SLC6A3: variants seen among roughly 807,000 people sequenced by gnomAD.
The protein encoded by SLC6A3 is sodium-dependent dopamine transporter.
A neutral mutation model predicts 70.4 loss-of-function variants in SLC6A3; 19 were observed. The ratio of observed to expected loss-of-function variants is 0.27; its 90% CI spans 0.19 to 0.40. The LOEUF (loss-of-function observed/expected upper bound fraction) is 0.40. SLC6A3 is among the 10% of genes least tolerant of loss of function. SLC6A3 has a pLI of 1.00. For synonymous variants in SLC6A3, 368 were observed against 356.6 expected (o/e 1.03, Z -0.36); for missense variants, 613 against 838.5 (o/e 0.73, Z 3.32).
intron 3 of SLC6A3, among the ~76,000 whole-genome samples, chr5:1,440,926 A>G (rs560748601): frequency 6.6e-6 from 1 of 152,308 alleles, no homozygotes; most frequent in African/African-American, 2.4e-5. Flanking sequence ...AGATACAGAT[A>G]GATGATGATG....
chr5:1,407,348 C>A (rs1011941584), intron 11 of SLC6A3, among the ~76,000 whole-genome samples: 8 of 151,876 alleles, frequency 5.3e-5, no homozygotes, highest in African/African-American at 9.7e-5. Context: ...ACGTGGGAGG[C>A]AGCGGGGATG....
intron 3 of SLC6A3, among the ~76,000 whole-genome samples, chr5:1,435,330 C>T (rs982349890): frequency 6.6e-6 from 1 of 152,140 alleles, no homozygotes; most frequent in African/African-American, 2.4e-5. Context: ...ACAATGGATG[C>T]CCAATTTGAA....
Position 1,441,439 on chromosome 5 carries a change from A to G in SLC6A3, c.338T>C (p.Leu113Pro), listed in dbSNP as rs762156262. The G allele has an allele frequency of 6.2e-7, 1 of 1,614,210 alleles. No homozygotes were observed. The change falls in exon 3 of 15, where the codon CTT becomes CCT. Residue 113 changes from leucine (L) to proline (P), a missense_variant. By Grantham distance (98) the Leu-to-Pro change is moderately conservative. This residue lies in a region of SLC6A3 where 153 missense variants were observed against 249.4 expected (regional missense o/e 0.61). Coordinates refer to ENST00000270349, the MANE Select transcript of SLC6A3 (RefSeq NM_001044.5). ...LLFMVIAGMP[L>P]FYMELALGQF... ...GCCGAGGGCCAGCTCCATGTAGAAA[A>G]GTGGCATCCCAGCAATGACCATGAA...
rs992624553 is a variant in SLC6A3 at position 1,401,261 on chromosome 5, C to T, written c.1768-275G>A. On this transcript the variant is annotated intron_variant, in intron 13 of 14. Coordinates refer to ENST00000270349, the MANE Select transcript of SLC6A3 (RefSeq NM_001044.5). The surrounding 1 kb of genome is among the most constrained non-coding windows in gnomAD (Gnocchi z 6.1). ...GCAGAGCAGAACATCAGCATTTGAG[C>T]ACTCGCTTGAAAATAAAACGTGGTC... The T allele has an allele frequency of 4.5e-6, 3 of 660,484 alleles. No homozygotes were observed. The African/African-American group carries it at 5.3e-5, about 12-fold the overall frequency. 40.9% of individuals were successfully genotyped at this position (660,484 alleles called of 1,614,324 possible).
chr5:1,405,921 C>T lies in SLC6A3; in HGVS notation c.1599+267G>A, dbSNP rs6876225. On this transcript the variant is annotated intron_variant, in intron 12 of 14. Transcript: ENST00000270349. This position sits in a 1 kb window ranked among gnomAD's most constrained non-coding sequence, Gnocchi z 5.3. ...AGCTTCCCCTCCCAACACAGAGGCG[C>T]GGCCCAAGTGCAGGACTCACAACGG... is the stretch of plus-strand genomic sequence containing the variant. Among the ~76,000 whole-genome samples the T allele has an allele frequency of 6.6e-6, 1 of 152,174 alleles. No individual in the cohort carries two copies. The highest frequency in any genetic ancestry group is 1.5e-5 in the Non-Finnish European group (1 of 68,034).
chr5:1,427,222 T>C (rs2126383435), intron 4 of SLC6A3, among the ~76,000 whole-genome samples: 1 of 152,340 alleles, frequency 6.6e-6, no homozygotes, highest in South Asian at 2.1e-4. Flanking sequence ...ATGGAGTTGA[T>C]ACATATTGTA....
In SLC6A3 at chr5:1,401,079, A is replaced by G. The variant is rs1755839936; in HGVS notation, c.1768-93T>C. The G allele has an allele frequency of 3.2e-6, 3 of 944,700 alleles. No homozygotes were observed. The African/African-American group carries it at 4.9e-5, about 15-fold the overall frequency. 58.5% of individuals were successfully genotyped at this position (944,700 alleles called of 1,614,324 possible). ...CACACTGCCAGGACCCTCACCTACC[A>G]GCACCCTCACCACCAGCCCTCCTCA... On this transcript the variant is annotated intron_variant, in intron 13 of 14. Transcript: ENST00000270349. This position sits in a 1 kb window ranked among gnomAD's most constrained non-coding sequence, Gnocchi z 6.1.
chr5:1,422,858 A>ACG (rs1318590669), intron 4 of SLC6A3, among the ~76,000 whole-genome samples: 1 of 74,156 alleles, frequency 1.3e-5, no homozygotes, highest in Non-Finnish European at 2.4e-5. Context: ...ACTGCTGCCC[A>ACG]GTGCTGCCCA....
In SLC6A3 at chr5:1,396,558, G is replaced by A. The variant is rs1579696588; in HGVS notation, c.1840-1800C>T. ...GTGGCTGCAGTTTGCAGGCCAGAGCGCCAGAGAGGAGGTGGCCACACAGAG... is the reference window on the plus strand; with the variant it reads ...GTGGCTGCAGTTTGCAGGCCAGAGCACCAGAGAGGAGGTGGCCACACAGAG... On this transcript the variant is annotated intron_variant, in intron 14 of 14. Transcript: ENST00000270349. The surrounding 1 kb of genome is among the most constrained non-coding windows in gnomAD (Gnocchi z 7.0). Among the ~76,000 whole-genome samples the A allele has an allele frequency of 6.6e-6, 1 of 152,230 alleles. No homozygotes were observed. The highest frequency in any genetic ancestry group is 1.5e-5 in the Non-Finnish European group (1 of 68,042).
rs925482570 is a variant in SLC6A3, at chr5:1,408,120, G to T, written c.1498+906C>A. ...GGTTCAAGCTGAATCATATTCCATC[G>T]TAAGTATACCATCAGTGTCTTCAGA... On this transcript the variant is annotated intron_variant, in intron 11 of 14. Transcript: ENST00000270349. This position sits in a 1 kb window ranked among gnomAD's most constrained non-coding sequence, Gnocchi z 6.4. Among the ~76,000 whole-genome samples, 1 of 151,580 alleles carries T rather than the reference G, an allele frequency of 6.6e-6. No homozygotes were observed. Among genetic ancestry groups the T allele is most frequent in the South Asian group, 2.1e-4 (1 of 4,806 alleles).
rs1297029420 is a variant in SLC6A3 at position 1,421,031 on chromosome 5, G to T, written c.793-328C>A. 1.3e-5 allele frequency among the ~76,000 whole-genome samples: 2 copies of T among 152,202 alleles called. No individual in the cohort carries two copies. Among genetic ancestry groups the T allele is most frequent in the African/African-American group, 4.8e-5 (2 of 41,454 alleles). ...CGTGGGACGTGAGTGGATTCACACT[G>T]GTGAACGGCACTGTGGCACGATGAA... is the stretch of plus-strand genomic sequence containing the variant. On this transcript the variant is annotated intron_variant, in intron 5 of 14. Coordinates refer to ENST00000270349, the MANE Select transcript of SLC6A3 (RefSeq NM_001044.5). The surrounding 1 kb of genome is among the most constrained non-coding windows in gnomAD (Gnocchi z 7.2).
At chr5:1,416,559 G>C (rs956790775) in intron 6 of SLC6A3, 5 of 319,520 alleles carry the variant, frequency 1.6e-5, no homozygotes, top group Non-Finnish European at 3.0e-5. Context: ...AATAACCCTC[G>C]GAACAGCACG....
At position 1,397,822 on chromosome 5, in the gene SLC6A3, C is replaced by A. The variant is rs997747998; in HGVS notation, c.1840-3064G>T. ...TCTATAACAAAAGTATGGGAACCAA[C>A]AAACACCAAGCATGCACATTAGTCC... On this transcript the variant is annotated intron_variant, in intron 14 of 14. Transcript: ENST00000270349. The surrounding 1 kb of genome is among the most constrained non-coding windows in gnomAD (Gnocchi z 4.7). Among the ~76,000 whole-genome samples the A allele has an allele frequency of 6.6e-6, 1 of 152,184 alleles. No individual in the cohort carries two copies. The highest frequency in any genetic ancestry group is 2.4e-5 in the African/African-American group (1 of 41,450).
intron 5 of SLC6A3, among the ~76,000 whole-genome samples, chr5:1,420,961 G>A (rs930538978): frequency 4.6e-5 from 7 of 152,322 alleles, no homozygotes; most frequent in South Asian, 4.1e-4. Flanking sequence ...TTCTGCATTC[G>A]GTCCGCCAGA....
rs1755989416 is a variant in SLC6A3 at position 1,406,688 on chromosome 5, AGAGT to A, written c.1499-404_1499-401del. On this transcript the variant is annotated intron_variant, in intron 11 of 14. Coordinates refer to ENST00000270349, the MANE Select transcript of SLC6A3 (RefSeq NM_001044.5). The surrounding 1 kb of genome is among the most constrained non-coding windows in gnomAD (Gnocchi z 8.8). ...TACCATTTTAGCCATTTTTACGTGT[AGAGT>A]TCATAATGTATCAATACATTCACAT... Among the ~76,000 whole-genome samples, 1 of 149,550 alleles carries A rather than the reference AGAGT, an allele frequency of 6.7e-6. No individual in the cohort carries two copies. Among genetic ancestry groups the A allele is most frequent in the Non-Finnish European group, 1.5e-5 (1 of 66,136 alleles).
rs113507162 is a variant in SLC6A3, at chr5:1,421,106, T to C, written c.793-403A>G. ...CGGGAGGCTCCCGTGGCTGGTGCCA[T>C]ACTACACGCACTTTTCCAAGGGAGG... is the stretch of plus-strand genomic sequence containing the variant. On this transcript the variant is annotated intron_variant, in intron 5 of 14. Coordinates refer to ENST00000270349, the MANE Select transcript of SLC6A3 (RefSeq NM_001044.5). This position sits in a 1 kb window ranked among gnomAD's most constrained non-coding sequence, Gnocchi z 7.2. Among the ~76,000 whole-genome samples the C allele has an allele frequency of 0.022, 3,313 of 151,964 alleles. 129 individuals are homozygous for C. The highest frequency in any genetic ancestry group is 0.073 in the African/African-American group (3,038 of 41,418).
chr5:1,427,567 C>A (rs1560921117), intron 4 of SLC6A3, among the ~76,000 whole-genome samples: 1 of 152,108 alleles, frequency 6.6e-6, no homozygotes, highest in African/African-American at 2.4e-5. Flanking sequence ...ACAGAGATTG[C>A]CATATTGGAT....
chr5:1,439,338 G>GGGTGGT (rs1202337264), intron 3 of SLC6A3, among the ~76,000 whole-genome samples: 1 of 136,544 alleles, frequency 7.3e-6, no homozygotes, highest in Non-Finnish European at 1.6e-5. Flanking sequence ...GTGGGGGTGG[G>GGGTGGT]GGTGGGGAGG....
chr5:1,402,883 C>A lies in SLC6A3; in HGVS notation c.1767+39G>T, dbSNP rs199968529. The A allele has an allele frequency of 1.2e-6, 2 of 1,604,940 alleles. No homozygotes were observed. The highest frequency in any genetic ancestry group is 1.3e-5 in the African/African-American group (1 of 74,680). On this transcript the variant is annotated intron_variant, in intron 13 of 14. Transcript: ENST00000270349. The surrounding 1 kb of genome is among the most constrained non-coding windows in gnomAD (Gnocchi z 8.5). ...GACACCCACGGAGCCTTTCTGGTGG[C>A]CTCACACTCGGGTGAAGGCGCCCCG...
Sources: gnomAD v4.1 joint callset for allele counts (sites outside exome capture counted in the v4.1 genomes callset) on GRCh38, gnomAD v4.1.1 for gene constraint, gnomAD v4.1.1 regional missense constraint, Gnocchi (gnomAD v3.1) non-coding constraint, MANE v1.5 for transcripts, NCBI Gene and HGNC (gene_info 2026-07-23, HGNC 2026-07-21) for gene names.